Variants in MAN1A2 observed in about 807,000 individuals in gnomAD.
The protein encoded by MAN1A2 is mannosyl-oligosaccharide 1,2-alpha-mannosidase IB.
MAN1A2 carries 26 observed loss-of-function variants against 75.7 expected under a neutral mutation model. The observed-to-expected ratio is 0.34, with a 90% confidence interval of 0.25 to 0.48. The LOEUF is 0.48. Ranked by LOEUF, MAN1A2 falls within the 20% of genes least tolerant of loss-of-function variation. The probability of loss-of-function intolerance (pLI) is 0.99; values close to 1 mark genes in which losing one functional copy is unlikely to be tolerated. For missense variants in MAN1A2, 562 were observed against 775.5 expected, an observed-to-expected ratio of 0.72 and a Z score of 3.27; for synonymous variants, 247 against 264.6, an observed-to-expected ratio of 0.93 and a Z score of 0.65.
intron 8 of MAN1A2, among the ~76,000 whole-genome samples, chr1:117,474,976 A>G (rs1165435229): frequency 2.0e-5 from 3 of 151,918 alleles, no homozygotes; most frequent in Non-Finnish European, 4.4e-5. Flanking sequence ...GGCTTCTTTC[A>G]GCATAATTAT....
At chr1:117,392,779 G>A (rs1235028431) in intron 1 of MAN1A2, among the ~76,000 whole-genome samples, 4 of 152,180 alleles carry the variant, frequency 2.6e-5, no homozygotes, top group African/African-American at 4.8e-5. Context: ...TACCTAACTA[G>A]AGACAGTAAG....
At chr1:117,520,159 A>G (rs1157618882) in intron 12 of MAN1A2, among the ~76,000 whole-genome samples, 1 of 152,054 alleles carries the variant, frequency 6.6e-6, no homozygotes, top group Non-Finnish European at 1.5e-5. Context: ...AAATCGGCAT[A>G]CAAGGGACAT....
At chr1:117,498,488 A>G (rs1436597184) in intron 10 of MAN1A2, among the ~76,000 whole-genome samples, 1 of 151,926 alleles carries the variant, frequency 6.6e-6, no homozygotes, top group East Asian at 1.9e-4. Context: ...TAAAGTATGA[A>G]CAAGATACAT....
intron 1 of MAN1A2, among the ~76,000 whole-genome samples, chr1:117,370,471 T>G (rs778277776): frequency 7.2e-5 from 11 of 152,348 alleles, no homozygotes; most frequent in South Asian, 6.2e-4. Flanking sequence ...ACATTTGCTT[T>G]AGCGTATTAT....
chr1:117,390,903 C>T lies in MAN1A2; in HGVS notation c.303-11283C>T, dbSNP rs996435220. Among the ~76,000 whole-genome samples the T allele has an allele frequency of 5.3e-5, 8 of 152,022 alleles. No homozygotes were observed. The South Asian group carries it at 6.2e-4, about 12-fold the overall frequency. On this transcript the variant is annotated intron_variant, in intron 1 of 12. Coordinates refer to ENST00000356554, the MANE Select transcript of MAN1A2 (RefSeq NM_006699.5). ...CTTTCAAATTTCACTTTTTAAAAAA[C>T]GCCTTTATTGAGGTATTATTCACAT...
intron 1 of MAN1A2, among the ~76,000 whole-genome samples, chr1:117,386,436 T>C (rs1653526078): frequency 6.6e-6 from 1 of 152,158 alleles, no homozygotes; most frequent in Non-Finnish European, 1.5e-5. Flanking sequence ...GGGCTGGGTA[T>C]GCTAAACATC....
At chr1:117,448,206 AT>A (rs1342379450) in intron 6 of MAN1A2, among the ~76,000 whole-genome samples, 3 of 152,124 alleles carry the variant, frequency 2.0e-5, no homozygotes, top group Non-Finnish European at 4.4e-5. Flanking sequence ...CTTATTAATG[AT>A]TTGGCTCTCT....
chr1:117,509,676 A>G (rs1462892376), intron 12 of MAN1A2, among the ~76,000 whole-genome samples: 1 of 151,998 alleles, frequency 6.6e-6, no homozygotes, highest in Non-Finnish European at 1.5e-5. Flanking sequence ...AGCACTTGTC[A>G]TATTAAAATC....
chr1:117,385,803 C>T (rs533636715), intron 1 of MAN1A2, among the ~76,000 whole-genome samples: 6 of 149,444 alleles, frequency 4.0e-5, no homozygotes, highest in African/African-American at 1.5e-4. Context: ...TATTAGGTTG[C>T]TTCAGAATTG....
At chr1:117,381,243 A>G (rs12402086) in intron 1 of MAN1A2, among the ~76,000 whole-genome samples, 11,584 of 151,978 alleles carry the variant, frequency 0.076, 488 homozygotes, top group Middle Eastern at 0.15. Flanking sequence ...TGTGCAGGTT[A>G]GTTACATATG....
At chr1:117,429,009 C>G (rs1203779491) in intron 5 of MAN1A2, among the ~76,000 whole-genome samples, 2 of 145,158 alleles carry the variant, frequency 1.4e-5, no homozygotes, top group African/African-American at 2.6e-5. Flanking sequence ...TGACTCTTAA[C>G]GAGCATGCTG....
rs114871092 is a variant in MAN1A2 at position 117,436,163 on chromosome 1, A to G, written c.856-6068A>G. ...AATTTAATATAAAGATTAATTAGGT[A>G]TAAAGTTGTTAACTAGGTAAATGCT... On this transcript the variant is annotated intron_variant, in intron 5 of 12. Coordinates refer to ENST00000356554, the MANE Select transcript of MAN1A2 (RefSeq NM_006699.5). 2.6e-3 allele frequency among the ~76,000 whole-genome samples: 398 copies of G among 152,340 alleles called. 2 individuals carry two copies. The highest frequency in any genetic ancestry group is 8.8e-3 in the African/African-American group (365 of 41,582).
intron 5 of MAN1A2, among the ~76,000 whole-genome samples, chr1:117,429,735 C>T (rs750440919): frequency 0.091 from 7,300 of 80,492 alleles, 216 homozygotes; most frequent in African/African-American, 0.15. Flanking sequence ...CCCTCCCGGA[C>T]GGGGCGGCTG....
At chr1:117,489,478 G>A (rs1017959545) in intron 8 of MAN1A2, among the ~76,000 whole-genome samples, 8 of 151,902 alleles carry the variant, frequency 5.3e-5, no homozygotes, top group Non-Finnish European at 7.4e-5. Flanking sequence ...ATAAATTGAT[G>A]TTTCTTTTTT....
At chr1:117,519,631 G>A (rs1651814172) in intron 12 of MAN1A2, among the ~76,000 whole-genome samples, 1 of 151,882 alleles carries the variant, frequency 6.6e-6, no homozygotes, top group African/African-American at 2.4e-5. Context: ...AAATCAGGGA[G>A]AAATAGATAC....
intron 9 of MAN1A2, chr1:117,493,523 G>A: frequency 3.9e-6 from 1 of 258,386 alleles, no homozygotes; most frequent in Non-Finnish European, 7.5e-6. Flanking sequence ...GCTCACGCCT[G>A]TAATCTCAGC....
chr1:117,497,089 G>T, intron 10 of MAN1A2, 107 bp downstream of exon 10: 1 of 758,120 alleles, frequency 1.3e-6, no homozygotes, highest in Non-Finnish European at 2.1e-6. Context: ...CTTCCAAATA[G>T]TTTACACCAA....
intron 3 of MAN1A2, among the ~76,000 whole-genome samples, chr1:117,411,306 A>G (rs944280556): frequency 6.6e-6 from 1 of 151,842 alleles, no homozygotes; most frequent in Non-Finnish European, 1.5e-5. Flanking sequence ...TTGATTTTCA[A>G]CAAAGATGCT....
intron 5 of MAN1A2, among the ~76,000 whole-genome samples, chr1:117,430,262 A>C (rs867717317): frequency 1.1e-4 from 12 of 112,588 alleles, no homozygotes; most frequent in South Asian, 3.1e-4. Flanking sequence ...GGGGGGCTGA[A>C]CCCCCCACCT....
Sources: allele counts gnomAD v4.1 joint callset (sites outside exome capture counted in the v4.1 genomes callset), GRCh38; gene constraint gnomAD v4.1.1; transcripts MANE v1.5; gene names NCBI Gene and HGNC (gene_info 2026-07-23, HGNC 2026-07-21).